Variants in IRX1 observed in about 807,000 individuals in gnomAD.
IRX1 encodes iroquois-class homeodomain protein IRX-1.
In IRX1, 22 loss-of-function variants were observed where a neutral mutation model predicts 34.1. The ratio of observed to expected loss-of-function variants is 0.64; its 90% CI spans 0.46 to 0.92. IRX1 has a LOEUF of 0.92. IRX1 is among the 40% of genes least tolerant of loss of function. IRX1 has a pLI of 0.00. For missense variants in IRX1, 758 were observed against 680.0 expected, an observed-to-expected ratio of 1.11 and a Z score of -1.28; for synonymous variants, 363 against 319.0, an observed-to-expected ratio of 1.14 and a Z score of -1.47.
rs1477457382 is a variant in IRX1, at chr5:3,600,082, A to G, written c.1134A>G (p.Ala378=). ...AGTTCTCCAACTGGACCAACAGCGC[A>G]TTCCTCGCACAGGGCTCCCTGCTCA... ...IGKFSNWTNS[A]FLAQGSLLNM... The change falls in exon 2 of 4, where the codon GCA becomes GCG. Residue 378 remains alanine (A), a synonymous_variant. Transcript: ENST00000302006. 11 of 1,612,762 alleles carry G rather than the reference A, an allele frequency of 6.8e-6. No homozygotes were observed. Among genetic ancestry groups the G allele is most frequent in the Non-Finnish European group, 8.5e-6 (10 of 1,179,604 alleles).
In IRX1 at chr5:3,600,037, G is replaced by C; in HGVS notation, c.1089G>C (p.Leu363=). ...QHPAFLPSHG[L]YTCHIGKFSN... is the part of the protein sequence containing the mutation. ...CCGCCTTCCTGCCTAGCCACGGACT[G>C]TACACCTGCCACATCGGCAAGTTCT... Residue 363 remains leucine, a synonymous_variant, in exon 2 of 4, where the codon CTG becomes CTC. Coordinates refer to ENST00000302006, the MANE Select transcript of IRX1 (RefSeq NM_024337.4). 3.8e-6 allele frequency: 6 copies of C among 1,595,264 alleles called. No homozygotes were observed. Among genetic ancestry groups the C allele is most frequent in the Non-Finnish European group, 5.1e-6 (6 of 1,169,918 alleles).
Position 3,599,528 on chromosome 5 carries a change from G to C in IRX1, c.580G>C (p.Gly194Arg). Residue 194 changes from glycine (G) to arginine (R), a missense_variant, in exon 2 of 4, where the codon GGA becomes CGA. Gly to Arg is a moderately radical substitution (Grantham distance 125). Transcript: ENST00000302006. This position sits in a 1 kb window ranked among gnomAD's most constrained non-coding sequence, Gnocchi z 6.6. ...RLKKENKVTW[G>R]ARSKDQEDGA... ...CAAGAAGGAGAACAAGGTGACATGG[G>C]GAGCGCGCAGCAAGGACCAGGAAGA... 6.2e-7 allele frequency: 1 copy of C among 1,614,184 alleles called. No homozygotes were observed.
intron 2 of IRX1, 132 bp from the exon 3 acceptor site, chr5:3,600,474 GGGT>G (rs1733933990): frequency 2.2e-6 from 2 of 910,194 alleles, no homozygotes; most frequent in Non-Finnish European, 3.3e-6. Context: ...GCCTGCTACG[GGGT>G]GGTGGTGGGG....
Position 3,599,215 on chromosome 5 carries a change from G to A in IRX1, c.277-10G>A. The A allele has an allele frequency of 6.2e-7, 1 of 1,609,430 alleles. No homozygotes were observed. On this transcript the variant is annotated splice_polypyrimidine_tract_variant and intron_variant, in intron 1 of 3. Coordinates refer to ENST00000302006, the MANE Select transcript of IRX1 (RefSeq NM_024337.4). The surrounding 1 kb of genome is among the most constrained non-coding windows in gnomAD (Gnocchi z 6.6). ...TCTCTCTCCTCGATGGATCTGCCCT[G>A]TGGCTTCAGGGCTCGCAGTATGAAC...
In IRX1 at chr5:3,600,099, C is replaced by T. The variant is rs1268978841; in HGVS notation, c.1151C>T (p.Ser384Phe). ...WTNSAFLAQG[S>F]LLNMRSFLGV... is the part of the protein sequence containing the mutation. ...AACAGCGCATTCCTCGCACAGGGCT[C>T]CCTGCTCAACATGCGCTCCTTCCTG... Residue 384 changes from serine (S) to phenylalanine (F), a missense_variant, in exon 2 of 4, where the codon TCC (serine) becomes TTC (phenylalanine). Coordinates refer to ENST00000302006, the MANE Select transcript of IRX1 (RefSeq NM_024337.4). 1.9e-6 allele frequency: 3 copies of T among 1,613,214 alleles called. No homozygotes were observed. The highest frequency in any genetic ancestry group is 2.2e-5 in the East Asian group (1 of 44,876).
intron 2 of IRX1, 82 bp from the exon 3 acceptor site, chr5:3,600,527 G>C (rs1229920324): frequency 2.3e-6 from 3 of 1,311,740 alleles, no homozygotes; most frequent in Admixed American, 3.5e-5. Flanking sequence ...CTGGGCAGCC[G>C]GCAGAAGTTG....
Position 3,596,221 on chromosome 5 carries a change from C to G in IRX1, c.116C>G (p.Ser39Trp). The G allele has an allele frequency of 2.7e-6, 3 of 1,111,138 alleles. No homozygotes were observed. Among genetic ancestry groups the G allele is most frequent in the South Asian group, 4.3e-5 (1 of 23,202 alleles). 68.8% of individuals were successfully genotyped at this position (1,111,138 alleles called of 1,614,324 possible). A position where few individuals can be genotyped will look rare whatever the true frequency, so the allele number is the denominator to read the frequency against. ...GCCGCTGCGGCGGCTGCCGCCGCCT[C>G]GTCGGGCCGACCGGGGGCCGCGGAG... The part of the protein sequence containing the change: ...AAAAAAAAAA[S>W]SGRPGAAELG... Residue 39 changes from serine (S) to tryptophan (W), a missense_variant, in exon 1 of 4, where the codon TCG (serine) becomes TGG (tryptophan). Physicochemically the swap from Ser to Trp is radical, Grantham distance 177. Transcript: ENST00000302006.
chr5:3,600,397 C>T, intron 2 of IRX1, 137 bp downstream of exon 2: 2 of 995,396 alleles, frequency 2.0e-6, no homozygotes, highest in Non-Finnish European at 1.4e-6. Flanking sequence ...CGCTTAATCC[C>T]TGCTTCAATT....
At chr5:3,596,856 T>G (rs1460920330) in intron 1 of IRX1, among the ~76,000 whole-genome samples, 1 of 152,158 alleles carries the variant, frequency 6.6e-6, no homozygotes, top group Non-Finnish European at 1.5e-5. Flanking sequence ...TTTCTCCCTC[T>G]TTAGCAGCTC....
chr5:3,600,991 C>A lies in IRX1; in HGVS notation c.1394C>A (p.Ala465Asp). The A allele has an allele frequency of 6.2e-7, 1 of 1,613,664 alleles. No individual in the cohort carries two copies. Among genetic ancestry groups the A allele is most frequent in the Non-Finnish European group, 8.5e-7 (1 of 1,179,874 alleles). Residue 465 changes from alanine to aspartate, a missense_variant, in exon 4 of 4, where the codon GCC (alanine) becomes GAC (aspartate). By Grantham distance (126) the Ala-to-Asp change is moderately radical (BLOSUM62 -2). Transcript: ENST00000302006. ...CTGTGTTTCCCATGCAGCTCTCTGG[C>A]CCCGCAGGAGGGAACGCCGCGGATC... ...PFQPVRDNSLAPQEGTPRILA... is the reference protein window; with the variant it reads ...PFQPVRDNSLDPQEGTPRILA...
intron 3 of IRX1, 46 bp downstream of exon 3, chr5:3,600,727 G>A (rs1267153073): frequency 1.9e-6 from 3 of 1,552,420 alleles, no homozygotes; most frequent in Non-Finnish European, 1.8e-6. Flanking sequence ...GTGGGGAGGG[G>A]GGAGGAGGAG....
At position 3,596,304 on chromosome 5, in the gene IRX1, G is replaced by C. The variant is rs1368682643; in HGVS notation, c.199G>C (p.Ala67Pro). Residue 67 changes from alanine to proline, a missense_variant, in exon 1 of 4, where the codon GCG becomes CCG. Ala to Pro is a conservative substitution (Grantham distance 27). Around this residue, in one of 3 missense-constraint regions of IRX1, gnomAD observed 195 missense variants for 195.0 expected, o/e 1.00. Transcript: ENST00000302006. ...CTCGGTGCTGGGCATGTACGCGGCGGCGGGGCCGTACGCGGGCGCGCCCAA... is the reference window on the plus strand; with the variant it reads ...CTCGGTGCTGGGCATGTACGCGGCGCCGGGGCCGTACGCGGGCGCGCCCAA... ...VTSVLGMYAA[A>P]GPYAGAPNYS... 1 of 1,462,412 alleles carries C rather than the reference G, an allele frequency of 6.8e-7. No homozygotes were observed. 90.6% of individuals were successfully genotyped at this position (1,462,412 alleles called of 1,614,324 possible).
chr5:3,598,647 G>A (rs553155092), intron 1 of IRX1, among the ~76,000 whole-genome samples: 1 of 152,182 alleles, frequency 6.6e-6, no homozygotes, highest in Non-Finnish European at 1.5e-5. Flanking sequence ...GAAGGCAAAG[G>A]ACTGTGCTTT....
At chr5:3,598,859 G>A (rs565858117) in intron 1 of IRX1, among the ~76,000 whole-genome samples, 51 of 152,312 alleles carry the variant, frequency 3.3e-4, no homozygotes, top group African/African-American at 1.2e-3. Flanking sequence ...CCAGCGGTTG[G>A]TGGTGGGGAC....
Position 3,601,025 on chromosome 5 carries a change from C to T in IRX1, c.1428C>T (p.Ala476=), listed in dbSNP as rs1191002337. Residue 476 remains alanine, a synonymous_variant, in exon 4 of 4, where the codon GCC becomes GCT. Coordinates refer to ENST00000302006, the MANE Select transcript of IRX1 (RefSeq NM_024337.4). ...AGGGAACGCCGCGGATCCTAGCAGCCCTCCCGTCCGCCTGATTAAGGGTCT... is the reference window on the plus strand; with the variant it reads ...AGGGAACGCCGCGGATCCTAGCAGCTCTCCCGTCCGCCTGATTAAGGGTCT... ...PQEGTPRILA[A]LPSA The T allele has an allele frequency of 2.5e-6, 4 of 1,613,562 alleles. No individual in the cohort carries two copies. The highest frequency in any genetic ancestry group is 3.4e-6 in the Non-Finnish European group (4 of 1,179,924).
chr5:3,599,567 G>A lies in IRX1; in HGVS notation c.619G>A (p.Gly207Ser), dbSNP rs1220542046. 1.9e-6 allele frequency: 3 copies of A among 1,613,994 alleles called. No individual in the cohort carries two copies. The highest frequency in any genetic ancestry group is 3.3e-5 in the Admixed American group (2 of 60,002). Residue 207 changes from glycine to serine, a missense_variant, in exon 2 of 4, where the codon GGC (glycine) becomes AGC (serine). Around this residue, in one of 3 missense-constraint regions of IRX1, gnomAD observed 529 missense variants for 418.8 expected, o/e 1.26. Coordinates refer to ENST00000302006, the MANE Select transcript of IRX1 (RefSeq NM_024337.4). This position sits in a 1 kb window ranked among gnomAD's most constrained non-coding sequence, Gnocchi z 6.6. ...SKDQEDGALF[G>S]SDTEGDPEKA... ...GGACCAGGAAGATGGAGCGCTCTTC[G>A]GCAGCGACACCGAGGGCGACCCGGA...
Position 3,601,149 on chromosome 5 carries a change from T to G in IRX1, c.*109T>G. On this transcript the variant is annotated 3_prime_UTR_variant, in exon 4 of 4. Transcript: ENST00000302006. ...TTCAGACTGGTGTAAAGGACAAATA[T>G]GACAACGACGTCAAGGACTCGCATC... is the stretch of plus-strand genomic sequence containing the variant. 9.7e-7 allele frequency: 1 copy of G among 1,029,770 alleles called. No individual in the cohort carries two copies. The highest frequency in any genetic ancestry group is 1.5e-6 in the Non-Finnish European group (1 of 674,960). The allele number at this position is 1,029,770 out of a possible 1,614,324, so 63.8% of individuals were successfully genotyped here. A position where few individuals can be genotyped will look rare whatever the true frequency, so the allele number is the denominator to read the frequency against.
chr5:3,599,695 C>G lies in IRX1; in HGVS notation c.747C>G (p.Ala249=), dbSNP rs887023287. The stretch of plus-strand genomic sequence containing the variant: ...GCAACGAGGATGACGAGGACAAGGC[C>G]GAGGCTCCGCACGCGCCCGCAGCCC... The part of the protein sequence containing the change: ...DQSNEDDEDK[A]EAPHAPAAPS... Residue 249 remains alanine, a synonymous_variant, in exon 2 of 4, where the codon GCC becomes GCG. Transcript: ENST00000302006. The surrounding 1 kb of genome is among the most constrained non-coding windows in gnomAD (Gnocchi z 6.6). The G allele has an allele frequency of 3.7e-6, 6 of 1,613,204 alleles. No individual in the cohort carries two copies. The highest frequency in any genetic ancestry group is 5.1e-6 in the Non-Finnish European group (6 of 1,180,008).
rs1233219340 is a variant in IRX1 at position 3,595,846 on chromosome 5, C to A, written c.-260C>A. 6.6e-6 allele frequency among the ~76,000 whole-genome samples: 1 copy of A among 151,158 alleles called. No homozygotes were observed. Among genetic ancestry groups the A allele is most frequent in the African/African-American group, 2.4e-5 (1 of 41,338 alleles). ...AACTTCAAATTGTGTCTGAAAGCCC[C>A]GCCGCCGAGCGGAGGGCGGCCGCCG... is the stretch of plus-strand genomic sequence containing the variant. On this transcript the variant is annotated 5_prime_UTR_variant, in exon 1 of 4. Transcript: ENST00000302006.
Sources: gnomAD v4.1 joint callset for allele counts (sites outside exome capture counted in the v4.1 genomes callset) on GRCh38, gnomAD v4.1.1 for gene constraint, gnomAD v4.1.1 regional missense constraint, Gnocchi (gnomAD v3.1) non-coding constraint, MANE v1.5 for transcripts, NCBI Gene and HGNC (gene_info 2026-07-23, HGNC 2026-07-21) for gene names.